CDH13: variants seen among roughly 807,000 people sequenced by gnomAD.
CDH13 encodes the protein cadherin-13.
In CDH13, 24 loss-of-function variants were observed where a neutral mutation model predicts 63.8. That is an observed-to-expected ratio of 0.38 (90% CI 0.27 to 0.53). CDH13 has a LOEUF of 0.53. Among genes scored for constraint, CDH13 ranks in the 20% least tolerant of loss-of-function variants. The pLI is 0.85. For missense variants in CDH13, 1,049 were observed against 903.1 expected (o/e 1.16, Z -2.07); for synonymous variants, 503 against 355.3 (o/e 1.42, Z -4.67).
At chr16:82,946,200 A>C (rs1016638583) in intron 2 of CDH13, among the ~76,000 whole-genome samples, 1 of 151,490 alleles carries the variant, frequency 6.6e-6, no homozygotes, top group Non-Finnish European at 1.5e-5. Context: ...GGATGGATGG[A>C]TGGATGGATA....
intron 7 of CDH13, among the ~76,000 whole-genome samples, chr16:83,492,902 A>G (rs2074047332): frequency 6.6e-6 from 1 of 152,226 alleles, no homozygotes; most frequent in African/African-American, 2.4e-5. Flanking sequence ...GTGACCTATC[A>G]ATCCATTAAA....
intron 12 of CDH13, among the ~76,000 whole-genome samples, chr16:83,782,148 T>G (rs982682324): frequency 6.6e-6 from 1 of 152,226 alleles, no homozygotes; most frequent in Non-Finnish European, 1.5e-5. Flanking sequence ...AAATGCCTTC[T>G]AAATGATTTT....
intron 6 of CDH13, among the ~76,000 whole-genome samples, chr16:83,472,068 C>T (rs1265017590): frequency 6.6e-6 from 1 of 152,202 alleles, no homozygotes; most frequent in Admixed American, 6.5e-5. Flanking sequence ...CAACAATATT[C>T]TCAGAGAACA....
intron 4 of CDH13, chr16:83,171,503 A>G (rs1209441245): frequency 3.3e-6 from 5 of 1,530,424 alleles, no homozygotes; most frequent in Admixed American, 2.0e-5. Context: ...ACTGCCCATA[A>G]ATAATCTTTG....
At chr16:82,860,754 A>C (rs1298360373) in intron 2 of CDH13, among the ~76,000 whole-genome samples, 1 of 152,192 alleles carries the variant, frequency 6.6e-6, no homozygotes, top group East Asian at 1.9e-4. Flanking sequence ...TGCCTAAATG[A>C]GGAAGAAAAT....
chr16:82,770,362 G>T (rs2035215565), intron 1 of CDH13, among the ~76,000 whole-genome samples: 1 of 152,156 alleles, frequency 6.6e-6, no homozygotes, highest in Non-Finnish European at 1.5e-5. Context: ...ACGTAAAAAA[G>T]GAAAAGGAAG....
At chr16:82,772,803 G>A (rs1402556475) in intron 1 of CDH13, among the ~76,000 whole-genome samples, 1 of 152,148 alleles carries the variant, frequency 6.6e-6, no homozygotes, top group African/African-American at 2.4e-5. Context: ...GCTGAGCTCT[G>A]AACCCATTCA....
chr16:83,047,574 A>C lies in CDH13; in HGVS notation c.366+15356A>C, dbSNP rs922096504. 3.3e-5 allele frequency among the ~76,000 whole-genome samples: 5 copies of C among 152,206 alleles called. No individual in the cohort carries two copies. Among genetic ancestry groups the C allele is most frequent in the Admixed American group, 6.5e-5 (1 of 15,284 alleles). On this transcript the variant is annotated intron_variant, in intron 3 of 13. Transcript: ENST00000567109. The surrounding 1 kb of genome is among the most constrained non-coding windows in gnomAD (Gnocchi z 4.9). ...AATTTTTAAAATACAAACAGAAAAA[A>C]AGCTCCCTGTATTTTCCCAAATTCT...
chr16:83,111,767 A>T (rs927423207), intron 3 of CDH13, among the ~76,000 whole-genome samples: 1 of 152,220 alleles, frequency 6.6e-6, no homozygotes, highest in Non-Finnish European at 1.5e-5. Flanking sequence ...CTTCAACAAG[A>T]ATTCATAAAA....
chr16:83,224,526 A>G (rs2151796396), intron 5 of CDH13, among the ~76,000 whole-genome samples: 1 of 152,346 alleles, frequency 6.6e-6, no homozygotes, highest in Non-Finnish European at 1.5e-5. Context: ...ATCAATCAAT[A>G]ACACACATGT....
intron 2 of CDH13, among the ~76,000 whole-genome samples, chr16:82,999,675 A>G (rs1321870878): frequency 6.6e-6 from 1 of 152,226 alleles, no homozygotes; most frequent in Non-Finnish European, 1.5e-5. Flanking sequence ...AAACTGTATA[A>G]GTATTAAACA....
intron 5 of CDH13, among the ~76,000 whole-genome samples, chr16:83,266,607 C>A (rs1015511295): frequency 6.6e-6 from 1 of 152,108 alleles, no homozygotes; most frequent in Admixed American, 6.5e-5. Context: ...CCAGGGAATA[C>A]CTAAAAAATG....
At chr16:83,532,335 G>C (rs1428638633) in intron 7 of CDH13, among the ~76,000 whole-genome samples, 1 of 152,170 alleles carries the variant, frequency 6.6e-6, no homozygotes, top group Non-Finnish European at 1.5e-5. Flanking sequence ...GATTAGAAGA[G>C]TTCCCATTGC....
chr16:83,757,219 G>A (rs141539594), intron 11 of CDH13, among the ~76,000 whole-genome samples: 76 of 152,218 alleles, frequency 5.0e-4, no homozygotes, highest in African/African-American at 1.7e-3. Flanking sequence ...AAAACTTGTG[G>A]GATGCACTAA....
intron 5 of CDH13, among the ~76,000 whole-genome samples, chr16:83,279,217 A>C (rs1417173699): frequency 2.6e-5 from 4 of 152,148 alleles, no homozygotes; most frequent in Non-Finnish European, 5.9e-5. Flanking sequence ...TATCAGGGCT[A>C]GATTTATTCT....
rs115244356 is a variant in CDH13, at chr16:83,379,822, A to G, written c.781+34816A>G. 3.4e-3 allele frequency among the ~76,000 whole-genome samples: 522 copies of G among 151,814 alleles called. 2 individuals are homozygous for G. Among genetic ancestry groups the G allele is most frequent in the African/African-American group, 0.012 (500 of 41,406 alleles). On this transcript the variant is annotated intron_variant, in intron 6 of 13. Transcript: ENST00000567109. ...AAATAAATATAAAACTGCCATTCAA[A>G]GGAATGAACGAAATATTATATAAAT...
Position 83,392,304 on chromosome 16 carries a change from G to A in CDH13, c.781+47298G>A, listed in dbSNP as rs192944085. ...CAGCTCCAATCTTAAAGCCTCCTTA[G>A]CGCCGTGCCTCACGAGCTGTAAGTA... On this transcript the variant is annotated intron_variant, in intron 6 of 13. Transcript: ENST00000567109. Among the ~76,000 whole-genome samples, 3 of 152,286 alleles carry A rather than the reference G, an allele frequency of 2.0e-5. No homozygotes were observed. The East Asian group carries it at 5.8e-4, about 29-fold the overall frequency.
chr16:82,684,463 A>G (rs1361435663), intron 1 of CDH13, among the ~76,000 whole-genome samples: 1 of 152,138 alleles, frequency 6.6e-6, no homozygotes, highest in East Asian at 1.9e-4. Flanking sequence ...TCATCAGGAA[A>G]GTATGCTGTA....
At chr16:83,668,014 A>C (rs1316466435) in intron 8 of CDH13, among the ~76,000 whole-genome samples, 1 of 152,146 alleles carries the variant, frequency 6.6e-6, no homozygotes, top group Non-Finnish European at 1.5e-5. Context: ...GGAGGGGTTG[A>C]TGAAGGCAAA....
Sources: gnomAD v4.1 joint callset for allele counts (sites outside exome capture counted in the v4.1 genomes callset) on GRCh38, gnomAD v4.1.1 for gene constraint, Gnocchi (gnomAD v3.1) non-coding constraint, MANE v1.5 for transcripts, NCBI Gene and HGNC (gene_info 2026-07-23, HGNC 2026-07-21) for gene names.